The following MCPH1 variants were observed in gnomAD, a reference collection of about 807,000 sequenced individuals.
The protein encoded by MCPH1 is microcephalin.
In MCPH1, 104 loss-of-function variants were observed where a neutral mutation model predicts 84.5. The ratio of observed to expected loss-of-function variants is 1.23; its 90% CI spans 1.05 to 1.45. MCPH1 has a LOEUF of 1.45. Ranked by LOEUF, MCPH1 falls within the 40% of genes most tolerant of loss-of-function variation. The pLI, the probability that MCPH1 is intolerant of heterozygous loss-of-function variation, is 0.00. For synonymous variants in MCPH1, 514 were observed against 366.8 expected (o/e 1.40, Z -4.58); for missense variants, 1,498 against 1,005.7 (o/e 1.49, Z -6.62).
At chr8:6,461,906 A>G (rs1806338857) in intron 9 of MCPH1, among the ~76,000 whole-genome samples, 1 of 152,140 alleles carries the variant, frequency 6.6e-6, no homozygotes, top group African/African-American at 2.4e-5. Flanking sequence ...GGTTTATTCT[A>G]CTACTTCTGG....
In MCPH1 at chr8:6,505,482, ATATATATATTCTT is replaced by A. The variant is rs1813361348; in HGVS notation, c.2214+5561_2214+5573del. 4.3e-5 allele frequency among the ~76,000 whole-genome samples: 3 copies of A among 70,182 alleles called. No homozygotes were observed. The South Asian group carries it at 1.3e-3, about 30-fold the overall frequency. 46.0% of individuals were successfully genotyped at this position (70,182 alleles called of 152,430 possible). On this transcript the variant is annotated intron_variant, in intron 12 of 13. Coordinates refer to ENST00000344683, the MANE Select transcript of MCPH1 (RefSeq NM_024596.5). ...TATATATATTCTTTACATATATAGAATATATATATTCTTTATATATGTATATATAGAATATATA... is the reference window on the plus strand; with the variant it reads ...TATATATATTCTTTACATATATAGAATATATATGTATATATAGAATATATA...
chr8:6,562,211 G>C (rs1825642526), intron 12 of MCPH1, among the ~76,000 whole-genome samples: 1 of 152,140 alleles, frequency 6.6e-6, no homozygotes, highest in South Asian at 2.1e-4. Context: ...CATCAGCATG[G>C]TTGTCACGGT....
chr8:6,466,592 C>A (rs1004687968), intron 9 of MCPH1, among the ~76,000 whole-genome samples: 48 of 152,188 alleles, frequency 3.2e-4, no homozygotes, highest in African/African-American at 1.1e-3. Context: ...CAGGCATGAG[C>A]CACCACGCGC....
chr8:6,609,330 G>T (rs546098089), intron 12 of MCPH1, among the ~76,000 whole-genome samples: 2 of 152,156 alleles, frequency 1.3e-5, no homozygotes, highest in Non-Finnish European at 2.9e-5. Flanking sequence ...AACCTACCGC[G>T]TTCGAGTTTT....
rs548086990 is a variant in MCPH1, at chr8:6,457,567, T to G, written c.1935+2315T>G. On this transcript the variant is annotated intron_variant, in intron 9 of 13. Coordinates refer to ENST00000344683, the MANE Select transcript of MCPH1 (RefSeq NM_024596.5). The stretch of plus-strand genomic sequence containing the variant: ...TTGCAGTGAGTCGAGATCATGCCAC[T>G]GCACTCCAGCCTGGGCGACAGAGTG... Among the ~76,000 whole-genome samples, 164 of 152,204 alleles carry G rather than the reference T, an allele frequency of 1.1e-3. 1 individual carries two copies. Among genetic ancestry groups the G allele is most frequent in the African/African-American group, 3.9e-3 (160 of 41,518 alleles).
chr8:6,530,152 G>A (rs1279388074), intron 12 of MCPH1, among the ~76,000 whole-genome samples: 2 of 152,034 alleles, frequency 1.3e-5, no homozygotes, highest in Non-Finnish European at 2.9e-5. Context: ...AGTATCAAAA[G>A]GTGGGGCATG....
chr8:6,643,397 T>G lies in MCPH1; in HGVS notation c.*348T>G. The G allele has an allele frequency of 6.1e-6, 2 of 328,014 alleles. No individual in the cohort carries two copies. Among genetic ancestry groups the G allele is most frequent in the South Asian group, 2.9e-5 (1 of 34,828 alleles). The allele number at this position is 328,014 out of a possible 1,614,324, so 20.3% of individuals were successfully genotyped here. A position where few individuals can be genotyped will look rare whatever the true frequency, so the allele number is the denominator to read the frequency against. ...CTGCTGCCTCAGCCTCCTGAGTAGC[T>G]GGGATTACAGATGTGTGCCACCATG... On this transcript the variant is annotated 3_prime_UTR_variant, in exon 14 of 14. Coordinates refer to ENST00000344683, the MANE Select transcript of MCPH1 (RefSeq NM_024596.5).
chr8:6,504,693 T>C (rs546055699), intron 12 of MCPH1, among the ~76,000 whole-genome samples: 19 of 152,290 alleles, frequency 1.2e-4, no homozygotes, highest in Non-Finnish European at 2.6e-4. Context: ...CTAAGGATGC[T>C]AAGATCTATA....
intron 2 of MCPH1, among the ~76,000 whole-genome samples, chr8:6,410,747 G>C (rs1171868063): frequency 6.6e-6 from 1 of 152,134 alleles, no homozygotes; most frequent in Non-Finnish European, 1.5e-5. Context: ...TTATCAGTTA[G>C]GGAAGTAGGG....
intron 12 of MCPH1, among the ~76,000 whole-genome samples, chr8:6,520,412 C>T (rs1817092212): frequency 6.6e-6 from 1 of 152,014 alleles, no homozygotes; most frequent in Non-Finnish European, 1.5e-5. Context: ...CATTGCCTGC[C>T]CCTTCAGGCC....
chr8:6,450,027 T>G (rs924534023), intron 8 of MCPH1, among the ~76,000 whole-genome samples: 1 of 152,182 alleles, frequency 6.6e-6, no homozygotes, highest in Admixed American at 6.5e-5. Flanking sequence ...CACTTGTCCA[T>G]GGGTTTGATA....
intron 12 of MCPH1, among the ~76,000 whole-genome samples, chr8:6,524,522 T>C (rs1319578801): frequency 6.6e-6 from 1 of 152,236 alleles, no homozygotes; most frequent in Non-Finnish European, 1.5e-5. Flanking sequence ...GAAATTGACA[T>C]ACACGTTTCA....
chr8:6,421,500 CTGTT>C (rs1800191004), intron 3 of MCPH1, among the ~76,000 whole-genome samples: 1 of 151,428 alleles, frequency 6.6e-6, no homozygotes, highest in African/African-American at 2.4e-5. Flanking sequence ...CCCTGCCATA[CTGTT>C]TATTTTTTTT....
At position 6,426,917 on chromosome 8, in the gene MCPH1, A is replaced by G. The variant is rs1373959618; in HGVS notation, c.234-4582A>G. ...TACAATTCAGTGGTTTTAAATATAC[A>G]GTCAGGTATTGCTTGACGACAGGGA... On this transcript the variant is annotated intron_variant, in intron 3 of 13. Coordinates refer to ENST00000344683, the MANE Select transcript of MCPH1 (RefSeq NM_024596.5). 9.2e-5 allele frequency among the ~76,000 whole-genome samples: 14 copies of G among 152,352 alleles called. No homozygotes were observed. The South Asian group carries it at 2.7e-3, about 29-fold the overall frequency.
intron 5 of MCPH1, among the ~76,000 whole-genome samples, chr8:6,436,713 T>G (rs1802690082): frequency 6.6e-6 from 1 of 151,808 alleles, no homozygotes. Context: ...CTCACGCCTG[T>G]AATCCCAGCA....
intron 12 of MCPH1, among the ~76,000 whole-genome samples, chr8:6,511,161 G>A (rs1815005830): frequency 6.6e-6 from 1 of 152,180 alleles, no homozygotes; most frequent in African/African-American, 2.4e-5. Flanking sequence ...TTTTTTATGA[G>A]TCTCTGTTAG....
At chr8:6,592,258 C>T (rs1214591583) in intron 12 of MCPH1, among the ~76,000 whole-genome samples, 1 of 151,832 alleles carries the variant, frequency 6.6e-6, no homozygotes, top group Non-Finnish European at 1.5e-5. Context: ...CTCAAGTGAT[C>T]CTCCCACCTC....
At position 6,647,686 on chromosome 8, in the gene MCPH1, T is replaced by C. The variant is rs1240364028; in HGVS notation, c.*4637T>C. On this transcript the variant is annotated 3_prime_UTR_variant, in exon 14 of 14. Coordinates refer to ENST00000344683, the MANE Select transcript of MCPH1 (RefSeq NM_024596.5). ...AAGACTACAAATTGTAAGATTCCAT[T>C]TAGATACCATTTCTACAAACCGCAA... 1 of 152,168 alleles carries C rather than the reference T, an allele frequency of 6.6e-6. No homozygotes were observed. The highest frequency in any genetic ancestry group is 1.5e-5 in the Non-Finnish European group (1 of 68,026). The allele number at this position is 152,168 out of a possible 1,614,324, so 9.4% of individuals were successfully genotyped here.
At chr8:6,559,348 A>G (rs555010561) in intron 12 of MCPH1, among the ~76,000 whole-genome samples, 1 of 152,130 alleles carries the variant, frequency 6.6e-6, no homozygotes, top group African/African-American at 2.4e-5. Flanking sequence ...GACGGCAGCT[A>G]TGTTTGAAGA....
Sources: allele counts gnomAD v4.1 joint callset (sites outside exome capture counted in the v4.1 genomes callset), GRCh38; gene constraint gnomAD v4.1.1; transcripts MANE v1.5; gene names NCBI Gene and HGNC (gene_info 2026-07-23, HGNC 2026-07-21).